Variants in BLVRB observed in about 807,000 individuals in gnomAD.
BLVRB encodes flavin reductase (NADPH).
In BLVRB, 25 loss-of-function variants were observed where a neutral mutation model predicts 21.1. That is an observed-to-expected ratio of 1.19 (90% confidence interval 0.86 to 1.66). The LOEUF is 1.66. Ranked by LOEUF, BLVRB falls within the 40% of genes most tolerant of loss-of-function variation. The pLI is 0.00. For missense variants in BLVRB, 274 were observed against 282.7 expected (o/e 0.97, Z 0.22); for synonymous variants, 128 against 122.2 (o/e 1.05, Z -0.31).
chr19:40,460,326 A>G (rs1036634576), intron 1 of BLVRB, among the ~76,000 whole-genome samples: 3 of 145,956 alleles, frequency 2.1e-5, no homozygotes, highest in African/African-American at 7.6e-5. Context: ...AGGGGCGCCA[A>G]TCATAGCTCA....
intron 3 of BLVRB, among the ~76,000 whole-genome samples, chr19:40,451,732 C>T (rs936841419): frequency 1.3e-5 from 2 of 152,088 alleles, no homozygotes; most frequent in East Asian, 1.9e-4. Flanking sequence ...AGGGTTTTGC[C>T]ATGTTGGCCA....
intron 1 of BLVRB, among the ~76,000 whole-genome samples, chr19:40,463,120 T>C (rs2079795612): frequency 1.3e-5 from 2 of 152,154 alleles, no homozygotes; most frequent in Non-Finnish European, 2.9e-5. Flanking sequence ...TTGAGAAGCA[T>C]CAGGTTGCAA....
chr19:40,456,924 GA>G (rs986004440), intron 3 of BLVRB, among the ~76,000 whole-genome samples: 3 of 149,856 alleles, frequency 2.0e-5, no homozygotes, highest in East Asian at 2.0e-4. Flanking sequence ...TCATCTCAAA[GA>G]AAAAAAGACA....
At chr19:40,451,330 G>T in intron 4 of BLVRB, 34 bp downstream of exon 4, 1 of 1,583,722 alleles carries the variant, frequency 6.3e-7, no homozygotes, top group South Asian at 1.2e-5. Context: ...ACAGGCAGAT[G>T]GCATTGGTGC....
At chr19:40,453,477 T>C (rs1480934563) in intron 3 of BLVRB, among the ~76,000 whole-genome samples, 1 of 152,208 alleles carries the variant, frequency 6.6e-6, no homozygotes, top group Admixed American at 6.6e-5. Flanking sequence ...TGTAGGTACT[T>C]ACTAAATATT....
chr19:40,455,747 C>A (rs2079759630), intron 3 of BLVRB, among the ~76,000 whole-genome samples: 2 of 152,084 alleles, frequency 1.3e-5, no homozygotes, highest in African/African-American at 4.8e-5. Flanking sequence ...AGAACAAAAA[C>A]AAAATCTATT....
At chr19:40,457,179 A>G (rs1225711058) in intron 3 of BLVRB, among the ~76,000 whole-genome samples, 1 of 151,900 alleles carries the variant, frequency 6.6e-6, no homozygotes, top group Non-Finnish European at 1.5e-5. Flanking sequence ...AAAAAAAAAA[A>G]AAGTGAACCA....
intron 1 of BLVRB, among the ~76,000 whole-genome samples, chr19:40,464,114 C>T (rs905690884): frequency 3.3e-5 from 5 of 151,210 alleles, no homozygotes; most frequent in African/African-American, 1.2e-4. Flanking sequence ...GAGACAGGGT[C>T]TCACCCTGTC....
In BLVRB at chr19:40,465,662, G is replaced by A. The variant is rs766498637; in HGVS notation, c.27C>T (p.Phe9=). MAVKKIAI[F]GATGQTGLTT... ...TGAGCCCGGTCTGGCCAGTGGCGCC[G>A]AAGATCGCGATCTTCTTGACGGCCA... Residue 9 remains phenylalanine, a synonymous_variant, in exon 1 of 5, where the codon TTC becomes TTT. Transcript: ENST00000263368. 1.6e-5 allele frequency: 25 copies of A among 1,612,714 alleles called. No homozygotes were observed. Among genetic ancestry groups the A allele is most frequent in the East Asian group, 2.2e-5 (1 of 44,886 alleles).
At chr19:40,452,574 A>AT (rs949576868) in intron 3 of BLVRB, among the ~76,000 whole-genome samples, 3 of 151,872 alleles carry the variant, frequency 2.0e-5, no homozygotes, top group African/African-American at 4.8e-5. Flanking sequence ...AATTTAAAAA[A>AT]TTTTTTTAGG....
In BLVRB at chr19:40,458,045, A is replaced by G. The variant is rs760694985; in HGVS notation, c.334+110T>C. Reference sequence around the variant, plus strand: ...AGGTTCAGGCACACAGCTGGTGTTCAGTAAATGCACAGTAACATGGAATGG... The same window carrying G: ...AGGTTCAGGCACACAGCTGGTGTTCGGTAAATGCACAGTAACATGGAATGG... On this transcript the variant is annotated intron_variant, in intron 3 of 4. Coordinates refer to ENST00000263368, the MANE Select transcript of BLVRB (RefSeq NM_000713.3). 8.8e-4 allele frequency: 943 copies of G among 1,070,000 alleles called. 2 individuals carry two copies. The highest frequency in any genetic ancestry group is 1.0e-3 in the Non-Finnish European group (734 of 719,054). 66.3% of individuals were successfully genotyped at this position (1,070,000 alleles called of 1,614,324 possible).
chr19:40,450,631 C>T (rs2079735294), intron 4 of BLVRB, among the ~76,000 whole-genome samples: 1 of 151,336 alleles, frequency 6.6e-6, no homozygotes, highest in Non-Finnish European at 1.5e-5. Context: ...TTTATTGCAG[C>T]CTTGATCTCC....
At chr19:40,454,762 G>T (rs1193049502) in intron 3 of BLVRB, among the ~76,000 whole-genome samples, 3 of 151,846 alleles carry the variant, frequency 2.0e-5, no homozygotes, top group African/African-American at 4.8e-5. Flanking sequence ...AGCCAGGATG[G>T]TCTCAATCTC....
intron 3 of BLVRB, among the ~76,000 whole-genome samples, chr19:40,456,809 G>A (rs2145780098): frequency 6.6e-6 from 1 of 152,016 alleles, no homozygotes; most frequent in Middle Eastern, 3.4e-3. Context: ...ATCACTGTGG[G>A]CCACGATCTT....
chr19:40,456,773 G>C (rs1486275249), intron 3 of BLVRB, among the ~76,000 whole-genome samples: 2 of 152,040 alleles, frequency 1.3e-5, no homozygotes, highest in Non-Finnish European at 2.9e-5. Context: ...GGTAATCCCA[G>C]CTACTCAGGA....
chr19:40,452,500 G>C (rs1490723918), intron 3 of BLVRB, among the ~76,000 whole-genome samples: 1 of 149,458 alleles, frequency 6.7e-6, no homozygotes, highest in Non-Finnish European at 1.5e-5. Context: ...TTTTGAGACA[G>C]AGTTTCCTTC....
At chr19:40,456,651 C>G (rs2079763378) in intron 3 of BLVRB, among the ~76,000 whole-genome samples, 1 of 152,076 alleles carries the variant, frequency 6.6e-6, no homozygotes, top group South Asian at 2.1e-4. Context: ...CTTTGGAAGG[C>G]TGAGGTGGGA....
intron 1 of BLVRB, 78 bp from the exon 2 acceptor site, chr19:40,458,623 C>G: frequency 6.9e-7 from 1 of 1,447,444 alleles, no homozygotes; most frequent in East Asian, 2.4e-5. Flanking sequence ...CTAGAAGCCA[C>G]CATGAACTCT....
intron 4 of BLVRB, among the ~76,000 whole-genome samples, chr19:40,450,770 C>T (rs1352049596): frequency 1.3e-5 from 2 of 150,880 alleles, no homozygotes; most frequent in African/African-American, 4.9e-5. Flanking sequence ...AACTCCTGGG[C>T]TGAAGAAATC....
Sources: allele counts gnomAD v4.1 joint callset (sites outside exome capture counted in the v4.1 genomes callset), GRCh38; gene constraint gnomAD v4.1.1; transcripts MANE v1.5; gene names NCBI Gene and HGNC (gene_info 2026-07-23, HGNC 2026-07-21).